The following UFSP2 variants were observed in gnomAD, a reference collection of about 807,000 sequenced individuals.
UFSP2 encodes the protein UFM1 specific peptidase 2, also known as ufm1-specific protease 2.
Under a neutral mutation model 60.2 loss-of-function variants are expected in UFSP2, and 43 were observed. The ratio of observed to expected loss-of-function variants is 0.71; its 90% confidence interval spans 0.56 to 0.92. The LOEUF (loss-of-function observed/expected upper bound fraction) is 0.92, where lower values mean the gene tolerates loss of function less well. UFSP2 is among the 40% of genes least tolerant of loss of function. UFSP2 has a pLI of 0.00. For missense variants in UFSP2, 520 were observed against 575.0 expected, an observed-to-expected ratio of 0.90 and a Z score of 0.98; for synonymous variants, 183 against 195.1, an observed-to-expected ratio of 0.94 and a Z score of 0.52.
At chr4:185,416,903 C>T (rs1015305014) in intron 4 of UFSP2, among the ~76,000 whole-genome samples, 5 of 152,134 alleles carry the variant, frequency 3.3e-5, no homozygotes, top group Non-Finnish European at 4.4e-5. Flanking sequence ...AGAAAAATCA[C>T]CACTTTGTAA....
chr4:185,413,400 A>C (rs2095532996), intron 7 of UFSP2, among the ~76,000 whole-genome samples: 1 of 152,088 alleles, frequency 6.6e-6, no homozygotes, highest in African/African-American at 2.4e-5. Flanking sequence ...AAAAACAAAA[A>C]AAGATTTATC....
intron 4 of UFSP2, 132 bp downstream of exon 4, chr4:185,418,309 G>T: frequency 3.1e-6 from 2 of 647,270 alleles, no homozygotes; most frequent in Non-Finnish European, 5.0e-6. Context: ...CTTTTGGCAA[G>T]TCATTTAATC....
At chr4:185,401,796 A>G (rs1161031502) in intron 11 of UFSP2, among the ~76,000 whole-genome samples, 2 of 152,258 alleles carry the variant, frequency 1.3e-5, no homozygotes, top group South Asian at 2.1e-4. Flanking sequence ...GAAAGAAATC[A>G]GGGACAATCC....
chr4:185,425,387 T>C (rs2095557664), intron 1 of UFSP2, among the ~76,000 whole-genome samples: 2 of 152,004 alleles, frequency 1.3e-5, no homozygotes, highest in Non-Finnish European at 2.9e-5. Flanking sequence ...AAGGTCTAAC[T>C]TAGAGATAAA....
chr4:185,401,741 T>G (rs2095513481), intron 11 of UFSP2, among the ~76,000 whole-genome samples: 1 of 152,214 alleles, frequency 6.6e-6, no homozygotes, highest in African/African-American at 2.4e-5. Context: ...GTTGAAAAGT[T>G]CTATAGAAAT....
At chr4:185,421,793 T>C (rs2153294929) in intron 2 of UFSP2, among the ~76,000 whole-genome samples, 1 of 152,354 alleles carries the variant, frequency 6.6e-6, no homozygotes, top group South Asian at 2.1e-4. Flanking sequence ...TACTCGTACT[T>C]TTCATGAGTG....
In UFSP2 at chr4:185,425,222, T is replaced by C. The variant is rs138250065; in HGVS notation, c.3+644A>G. Among the ~76,000 whole-genome samples the C allele has an allele frequency of 2.9e-3, 445 of 152,216 alleles. 3 individuals carry two copies. The highest frequency in any genetic ancestry group is 7.3e-3 in the South Asian group (35 of 4,824). On this transcript the variant is annotated intron_variant, in intron 1 of 11. Transcript: ENST00000264689. ...GCAGGCACAACAGGATGTATGGTGG[T>C]GCCATCTACAGAGTTGGGGGTTCCT... is the stretch of plus-strand genomic sequence containing the variant.
chr4:185,406,104 T>G (rs2095520083), intron 9 of UFSP2: 3 of 630,462 alleles, frequency 4.8e-6, no homozygotes, highest in South Asian at 1.9e-5. Context: ...ATTTTCTGCT[T>G]CTTGAACTGT....
Position 185,415,789 on chromosome 4 carries a change from T to C in UFSP2, c.412A>G (p.Ser138Gly), listed in dbSNP as rs776346496. ...AAVTPIIERESGGHHYVNMTL... is the reference protein window; with the variant it reads ...AAVTPIIEREGGGHHYVNMTL... ...ATATTAACATAATGGTGTCCTCCGC[T>C]TTCCCTTTCAATGATGGGCGTTACA... The change falls in exon 5 of 12, where the codon AGC becomes GGC. Residue 138 changes from serine (S) to glycine (G), a missense_variant. Coordinates refer to ENST00000264689, the MANE Select transcript of UFSP2 (RefSeq NM_018359.5). 2 of 1,613,804 alleles carry C rather than the reference T, an allele frequency of 1.2e-6. No homozygotes were observed. Among genetic ancestry groups the C allele is most frequent in the Admixed American group, 3.3e-5 (2 of 60,008 alleles).
At chr4:185,416,039 C>G (rs1489841134) in intron 4 of UFSP2, 172 bp from the exon 5 acceptor site, 1 of 486,366 alleles carries the variant, frequency 2.1e-6, no homozygotes, top group Non-Finnish European at 3.5e-6. Flanking sequence ...CAATCTGTAA[C>G]TGGCTGTGAA....
chr4:185,399,573 A>C lies in UFSP2; in HGVS notation c.*819T>G. 1.9e-6 allele frequency: 3 copies of C among 1,614,154 alleles called. No individual in the cohort carries two copies. The highest frequency in any genetic ancestry group is 2.5e-6 in the Non-Finnish European group (3 of 1,180,000). On this transcript the variant is annotated 3_prime_UTR_variant, in exon 12 of 12. Coordinates refer to ENST00000264689, the MANE Select transcript of UFSP2 (RefSeq NM_018359.5). Reference sequence around the variant, plus strand: ...TCCGTTTTTATCCTGTTTTCAGTTTATGTAATAAGAACGGGCAAACAGCTG... The same window carrying C: ...TCCGTTTTTATCCTGTTTTCAGTTTCTGTAATAAGAACGGGCAAACAGCTG...
In UFSP2 at chr4:185,405,901, A is replaced by G. The variant is rs752995332; in HGVS notation, c.1122-45T>C. 3.1e-6 allele frequency: 5 copies of G among 1,613,582 alleles called. No individual in the cohort carries two copies. The Admixed American group carries it at 8.3e-5, about 27-fold the overall frequency. ...TATCAGATGAACTACTTCCAACACT[A>G]CGGTCAAATAATGAGCTAGGAGACA... On this transcript the variant is annotated intron_variant, in intron 9 of 11. Transcript: ENST00000264689.
chr4:185,414,588 C>T (rs76068432), intron 6 of UFSP2, among the ~76,000 whole-genome samples: 7,345 of 152,162 alleles, frequency 0.048, 219 homozygotes, highest in South Asian at 0.083. Context: ...AGATGCTCCA[C>T]GGTCTAATTT....
At chr4:185,406,468 C>T (rs949689693) in intron 9 of UFSP2, among the ~76,000 whole-genome samples, 2 of 152,028 alleles carry the variant, frequency 1.3e-5, no homozygotes, top group African/African-American at 2.4e-5. Flanking sequence ...GGAAGGTGCC[C>T]GGTGGTGCTA....
rs531548747 is a variant in UFSP2 at position 185,417,577 on chromosome 4, C to T, written c.333+864G>A. On this transcript the variant is annotated intron_variant, in intron 4 of 11. Transcript: ENST00000264689. ...GTTAGGCCTCTTCTAAAGAGGCCCACGCCCACCTCTCCAGCCTTATGTCCA... is the reference window on the plus strand; with the variant it reads ...GTTAGGCCTCTTCTAAAGAGGCCCATGCCCACCTCTCCAGCCTTATGTCCA... Among the ~76,000 whole-genome samples the T allele has an allele frequency of 1.4e-4, 22 of 152,318 alleles. No homozygotes were observed. In the East Asian group the frequency reaches 3.5e-3, roughly 24 times the overall value.
At position 185,408,442 on chromosome 4, in the gene UFSP2, A is replaced by G. The variant is rs1344443201; in HGVS notation, c.832-7T>C. Reference sequence around the variant, plus strand: ...TGCCCTGGACCACATAAATCTATATACAGAGAAGAAACACAGTAAAATATT... The same window carrying G: ...TGCCCTGGACCACATAAATCTATATGCAGAGAAGAAACACAGTAAAATATT... On this transcript the variant is annotated splice_region_variant and splice_polypyrimidine_tract_variant and intron_variant, in intron 7 of 11. Coordinates refer to ENST00000264689, the MANE Select transcript of UFSP2 (RefSeq NM_018359.5). The G allele has an allele frequency of 3.1e-6, 5 of 1,611,866 alleles. No homozygotes were observed. Among genetic ancestry groups the G allele is most frequent in the Non-Finnish European group, 4.2e-6 (5 of 1,178,702 alleles).
intron 7 of UFSP2, among the ~76,000 whole-genome samples, chr4:185,411,985 A>T (rs1417851166): frequency 6.6e-6 from 1 of 152,250 alleles, no homozygotes; most frequent in East Asian, 1.9e-4. Flanking sequence ...GAAGGAAATG[A>T]TGAACACAAA....
intron 11 of UFSP2, among the ~76,000 whole-genome samples, chr4:185,401,961 C>A (rs2095513762): frequency 6.6e-6 from 1 of 152,210 alleles, no homozygotes; most frequent in Admixed American, 6.5e-5. Flanking sequence ...AAAGACCACC[C>A]TTTCTGACTG....
At chr4:185,400,679 G>T in intron 11 of UFSP2, 1 of 408,418 alleles carries the variant, frequency 2.4e-6, no homozygotes. Flanking sequence ...TTAATTCTAT[G>T]TATGTAATTC....
Sources: gnomAD v4.1 joint callset for allele counts (sites outside exome capture counted in the v4.1 genomes callset) on GRCh38, gnomAD v4.1.1 for gene constraint, MANE v1.5 for transcripts, NCBI Gene and HGNC (gene_info 2026-07-23, HGNC 2026-07-21) for gene names.